Variants in STK38L observed in about 807,000 individuals in gnomAD.
STK38L encodes serine/threonine kinase 38 like.
In STK38L, 28 loss-of-function variants were observed where a neutral mutation model predicts 59.7. The observed-to-expected ratio is 0.47, with a 90% confidence interval of 0.35 to 0.64. The LOEUF (loss-of-function observed/expected upper bound fraction) is 0.64, where lower values mean the gene tolerates loss of function less well. Among genes scored for constraint, STK38L ranks in the 30% least tolerant of loss-of-function variants. STK38L has a pLI of 0.01. For missense variants in STK38L, 314 were observed against 555.8 expected (o/e 0.56, Z 4.37); for synonymous variants, 162 against 176.8 (o/e 0.92, Z 0.66).
chr12:27,306,821 A>G (rs952364860), intron 3 of STK38L, among the ~76,000 whole-genome samples: 1 of 151,386 alleles, frequency 6.6e-6, no homozygotes, highest in African/African-American at 2.4e-5. Context: ...GCTCACTGCA[A>G]CCTCTGCCTC....
At chr12:27,281,738 CAA>C (rs531833055) in intron 1 of STK38L, among the ~76,000 whole-genome samples, 16 of 152,096 alleles carry the variant, frequency 1.1e-4, no homozygotes, top group African/African-American at 3.6e-4. Context: ...AATTTTCTGT[CAA>C]AGAGTAAATT....
intron 1 of STK38L, among the ~76,000 whole-genome samples, chr12:27,270,500 C>T (rs1943400794): frequency 6.6e-6 from 1 of 152,184 alleles, no homozygotes; most frequent in South Asian, 2.1e-4. Flanking sequence ...GCCTCAGCCT[C>T]CCGAGTAGCA....
intron 1 of STK38L, among the ~76,000 whole-genome samples, chr12:27,292,752 A>C (rs1315251450): frequency 6.6e-6 from 1 of 152,236 alleles, no homozygotes; most frequent in East Asian, 1.9e-4. Flanking sequence ...CATCATAATC[A>C]TTACTAAATT....
At chr12:27,261,281 C>T (rs1943199069) in intron 1 of STK38L, among the ~76,000 whole-genome samples, 1 of 152,188 alleles carries the variant, frequency 6.6e-6, no homozygotes, top group Admixed American at 6.5e-5. Flanking sequence ...TTTGTGTCAG[C>T]CTCAGTCTCT....
intron 1 of STK38L, among the ~76,000 whole-genome samples, chr12:27,270,637 C>G (rs1943403637): frequency 6.6e-6 from 1 of 152,126 alleles, no homozygotes; most frequent in Non-Finnish European, 1.5e-5. Context: ...CTTGGGCTCC[C>G]AAAGTGCTGG....
At chr12:27,305,908 T>C (rs1944299195) in intron 3 of STK38L, among the ~76,000 whole-genome samples, 1 of 152,220 alleles carries the variant, frequency 6.6e-6, no homozygotes, top group Non-Finnish European at 1.5e-5. Flanking sequence ...ACCACAAGGA[T>C]ACTGTTTGTC....
At chr12:27,255,230 A>C (rs538468209) in intron 1 of STK38L, among the ~76,000 whole-genome samples, 2 of 152,210 alleles carry the variant, frequency 1.3e-5, no homozygotes, top group Non-Finnish European at 2.9e-5. Context: ...TTTTTACCGT[A>C]GTAAAACTGC....
At position 27,297,837 on chromosome 12, in the gene STK38L, T is replaced by C; in HGVS notation, c.117T>C (p.His39=). The change falls in exon 2 of 14, where the codon CAT becomes CAC. Residue 39 remains histidine, a synonymous_variant. Coordinates refer to ENST00000389032, the MANE Select transcript of STK38L (RefSeq NM_015000.4). The stretch of plus-strand genomic sequence containing the variant: ...TTTATAGCAACCTAATTTTACAGCA[T>C]GAAGAGAGAGAAACCAGGTATAGTA... ...ENFYSNLILQ[H]EERETRQKKL... is the part of the protein sequence containing the mutation. 2.5e-6 allele frequency: 4 copies of C among 1,614,108 alleles called. No individual in the cohort carries two copies. The highest frequency in any genetic ancestry group is 2.5e-6 in the Non-Finnish European group (3 of 1,180,008).
intron 1 of STK38L, 74 bp downstream of exon 1, chr12:27,244,406 A>T (rs7299848): frequency 0.082 from 12,531 of 152,420 alleles, 690 homozygotes; most frequent in African/African-American, 0.15. Flanking sequence ...GAGCAGGAGC[A>T]GGAGGAGATT....
intron 1 of STK38L, among the ~76,000 whole-genome samples, chr12:27,260,275 T>G (rs1943177678): frequency 6.6e-6 from 1 of 152,266 alleles, no homozygotes; most frequent in African/African-American, 2.4e-5. Context: ...GTTATTCTTT[T>G]AAATTCATTT....
rs772225481 is a variant in STK38L at position 27,322,329 on chromosome 12, G to A, written c.1269G>A (p.Val423=). The A allele has an allele frequency of 2.5e-6, 4 of 1,613,498 alleles. No individual in the cohort carries two copies. In the Admixed American group the frequency reaches 5.0e-5, roughly 20 times the overall value. ...TTCCTTTATTTTTTCTCTTTCTAGTGCCAAATACCACAGAACCGGACTACA... is the reference window on the plus strand; with the variant it reads ...TTCCTTTATTTTTTCTCTTTCTAGTACCAAATACCACAGAACCGGACTACA... The part of the protein sequence containing the change: ...DFPESDILQP[V]PNTTEPDYKS... The change falls in exon 14 of 14, where the codon GTG becomes GTA. Residue 423 remains valine (V), a splice_region_variant and synonymous_variant. Transcript: ENST00000389032.
rs1334472474 is a variant in STK38L, at chr12:27,275,365, C to T, written c.-11-22345C>T. Among the ~76,000 whole-genome samples the T allele has an allele frequency of 4.5e-5, 5 of 111,862 alleles. 1 individual carries two copies. Among genetic ancestry groups the T allele is most frequent in the Admixed American group, 1.1e-4 (1 of 8,998 alleles). The allele number at this position is 111,862 out of a possible 152,430, so 73.4% of individuals were successfully genotyped here. A position where few individuals can be genotyped will look rare whatever the true frequency, so the allele number is the denominator to read the frequency against. ...ATCTTTTTTTTTTTTTTTTTTGAGA[C>T]GGAGTTTCATTCTTGTTGCCCAGGC... On this transcript the variant is annotated intron_variant, in intron 1 of 13. Transcript: ENST00000389032.
chr12:27,246,084 C>G (rs1360772459), intron 1 of STK38L, among the ~76,000 whole-genome samples: 1 of 152,158 alleles, frequency 6.6e-6, no homozygotes, highest in African/African-American at 2.4e-5. Flanking sequence ...TTTGTGCCAA[C>G]AAATAGATGT....
At chr12:27,279,290 A>G (rs1943602264) in intron 1 of STK38L, among the ~76,000 whole-genome samples, 1 of 152,262 alleles carries the variant, frequency 6.6e-6, no homozygotes, top group African/African-American at 2.4e-5. Flanking sequence ...TGAAAATAAA[A>G]TAGTTGGTTT....
intron 1 of STK38L, among the ~76,000 whole-genome samples, chr12:27,282,175 T>G (rs960753588): frequency 6.6e-6 from 1 of 152,220 alleles, no homozygotes; most frequent in Non-Finnish European, 1.5e-5. Context: ...CTACTTACAT[T>G]CTCAACTTTC....
intron 1 of STK38L, among the ~76,000 whole-genome samples, chr12:27,270,057 C>T (rs1943391308): frequency 6.6e-6 from 1 of 152,144 alleles, no homozygotes; most frequent in African/African-American, 2.4e-5. Context: ...TCAGTGTTGT[C>T]GCCTGATTGT....
chr12:27,267,433 C>CA (rs1235754600), intron 1 of STK38L, among the ~76,000 whole-genome samples: 4 of 152,174 alleles, frequency 2.6e-5, no homozygotes, highest in South Asian at 2.1e-4. Context: ...ACCACAACAA[C>CA]AAAAAATCAG....
At chr12:27,312,140 A>G (rs1168306431) in intron 5 of STK38L, among the ~76,000 whole-genome samples, 1 of 152,162 alleles carries the variant, frequency 6.6e-6, no homozygotes, top group African/African-American at 2.4e-5. Flanking sequence ...TGGCCTCCCA[A>G]AGTGCTGGGA....
intron 1 of STK38L, among the ~76,000 whole-genome samples, chr12:27,288,168 T>C (rs1943818162): frequency 6.6e-6 from 1 of 152,200 alleles, no homozygotes; most frequent in Admixed American, 6.5e-5. Context: ...CATGAGCCAC[T>C]GCGCCCAGCC....
Sources: allele counts gnomAD v4.1 joint callset (sites outside exome capture counted in the v4.1 genomes callset), GRCh38; gene constraint gnomAD v4.1.1; transcripts MANE v1.5; gene names NCBI Gene and HGNC (gene_info 2026-07-23, HGNC 2026-07-21).